NEBL: variants seen among roughly 807,000 people sequenced by gnomAD.
NEBL encodes LIM and SH3 protein 2.
In NEBL, 122 loss-of-function variants were observed where a neutral mutation model predicts 140.2. The observed-to-expected ratio is 0.87, with a 90% CI of 0.75 to 1.01. The LOEUF (loss-of-function observed/expected upper bound fraction) is 1.01. Ranked by LOEUF, NEBL falls within the 50% of genes least tolerant of loss-of-function variation. The pLI, the probability that NEBL is intolerant of heterozygous loss-of-function variation, is 0.00. For missense variants in NEBL, 1,365 were observed against 1,231.3 expected, an observed-to-expected ratio of 1.11 and a Z score of -1.62; for synonymous variants, 436 against 398.9, an observed-to-expected ratio of 1.09 and a Z score of -1.11.
chr10:20,854,942 T>C (rs1022786543), intron 9 of NEBL, among the ~76,000 whole-genome samples: 1 of 152,068 alleles, frequency 6.6e-6, no homozygotes, highest in African/African-American at 2.4e-5. Flanking sequence ...AGCCTTTTTT[T>C]GGCTAGGCGC....
At chr10:20,950,691 C>G (rs1043066782) in intron 4 of NEBL, among the ~76,000 whole-genome samples, 1 of 152,234 alleles carries the variant, frequency 6.6e-6, no homozygotes, top group Admixed American at 6.5e-5. Context: ...ACAGTCAAAG[C>G]CCCAGATTCT....
Position 21,112,003 on chromosome 10 carries a change from T to C in NEBL, c.164+60380A>G, listed in dbSNP as rs535568547. On this transcript the variant is annotated intron_variant, in intron 2 of 6. Transcript: ENST00000417816. ...CACATGAAAAAATGCTCATCATCAC[T>C]GGTGATCAGAGAAATGCAAATCAAA... Among the ~76,000 whole-genome samples, 19 of 152,328 alleles carry C rather than the reference T, an allele frequency of 1.2e-4. No homozygotes were observed. The East Asian group carries it at 3.7e-3, about 29-fold the overall frequency.
intron 3 of NEBL, among the ~76,000 whole-genome samples, chr10:20,965,349 C>T (rs1836257459): frequency 6.6e-6 from 1 of 152,160 alleles, no homozygotes; most frequent in South Asian, 2.1e-4. Flanking sequence ...GGCAGTCTGC[C>T]CTTCTAGACA....
chr10:20,950,732 C>T (rs149360821), intron 4 of NEBL, among the ~76,000 whole-genome samples: 6 of 152,300 alleles, frequency 3.9e-5, no homozygotes, highest in African/African-American at 1.4e-4. Flanking sequence ...AGAAATGCCA[C>T]TTATCATCAA....
intron 3 of NEBL, among the ~76,000 whole-genome samples, chr10:21,199,965 A>G (rs1334348873): frequency 6.6e-6 from 1 of 152,324 alleles, no homozygotes; most frequent in Admixed American, 6.5e-5. Flanking sequence ...CTGCACTGAG[A>G]TAGCCCTCAT....
intron 3 of NEBL, among the ~76,000 whole-genome samples, chr10:20,985,478 A>G (rs1201178554): frequency 6.6e-6 from 1 of 152,222 alleles, no homozygotes; most frequent in Non-Finnish European, 1.5e-5. Flanking sequence ...AGTCTCTAAC[A>G]TTCTAATAAG....
At chr10:21,045,690 A>C (rs1834479026) in intron 2 of NEBL, among the ~76,000 whole-genome samples, 1 of 152,212 alleles carries the variant, frequency 6.6e-6, no homozygotes, top group Non-Finnish European at 1.5e-5. Flanking sequence ...ACTTGTTAGG[A>C]TGGATGTTAT....
intron 3 of NEBL, among the ~76,000 whole-genome samples, chr10:21,201,675 A>T (rs892121101): frequency 2.0e-5 from 3 of 152,236 alleles, no homozygotes; most frequent in Non-Finnish European, 4.4e-5. Context: ...CTATTAATTA[A>T]CTGACACACC....
At chr10:21,028,598 T>C (rs1239328780) in intron 2 of NEBL, among the ~76,000 whole-genome samples, 1 of 152,204 alleles carries the variant, frequency 6.6e-6, no homozygotes, top group African/African-American at 2.4e-5. Context: ...CTAAGATCTT[T>C]CTATCCTTCA....
rs184737590 is a variant in NEBL, at chr10:21,194,797, C to G, written n.349-22320G>C. ...TTCAAGTTTTCAATCATTTGCTACC[C>G]CTCGCCCCGCCGCCCTGACCCCCAC... On this transcript the variant is annotated intron_variant and non_coding_transcript_variant, in intron 3 of 8. Transcript: ENST00000675702. Among the ~76,000 whole-genome samples, 19 of 152,126 alleles carry G rather than the reference C, an allele frequency of 1.2e-4. No homozygotes were observed. The East Asian group carries it at 3.5e-3, about 28-fold the overall frequency.
At chr10:20,838,302 G>C (rs1278593201) in intron 13 of NEBL, among the ~76,000 whole-genome samples, 1 of 152,196 alleles carries the variant, frequency 6.6e-6, no homozygotes, top group Non-Finnish European at 1.5e-5. Context: ...AACTCTCATG[G>C]ATGACTTTGA....
chr10:21,025,431 A>G (rs1838984717), intron 2 of NEBL, among the ~76,000 whole-genome samples: 1 of 152,240 alleles, frequency 6.6e-6, no homozygotes, highest in Non-Finnish European at 1.5e-5. Flanking sequence ...AGATAATAAT[A>G]GAAGACTGCA....
At chr10:21,077,252 G>T (rs970250355) in intron 2 of NEBL, among the ~76,000 whole-genome samples, 10 of 152,102 alleles carry the variant, frequency 6.6e-5, no homozygotes, top group Non-Finnish European at 1.5e-5. Context: ...AGGAATTGGG[G>T]GAAGAAAAGC....
intron 2 of NEBL, among the ~76,000 whole-genome samples, chr10:21,068,303 C>G (rs1443539335): frequency 6.6e-6 from 1 of 152,170 alleles, no homozygotes; most frequent in African/African-American, 2.4e-5. Context: ...GCAGCCATAT[C>G]CTTCCTTCTG....
rs1838862858 is a variant in NEBL at position 20,817,664 on chromosome 10, C to T, written c.2084G>A (p.Gly695Glu). The T allele has an allele frequency of 6.2e-7, 1 of 1,613,740 alleles. No homozygotes were observed. Among genetic ancestry groups the T allele is most frequent in the Non-Finnish European group, 8.5e-7 (1 of 1,179,712 alleles). Residue 695 changes from glycine (G) to glutamate (E), a missense_variant, in exon 21 of 28, where the codon GGA becomes GAA. Gly to Glu is a moderately conservative substitution (Grantham distance 98). This residue lies in a region of NEBL where 1,323 missense variants were observed against 1,154.8 expected (regional missense o/e 1.15). Coordinates refer to ENST00000377122, the MANE Select transcript of NEBL (RefSeq NM_006393.3). ...CTCTGGTGGATCAGAAATTGCAGTT[C>T]CCCGTTGAAGTTCTCCCTTATATTT... is the stretch of plus-strand genomic sequence containing the variant. ...AVKYKGELQR[G>E]TAISDPPELK...
At chr10:21,197,389 A>G (rs1457340969) in intron 3 of NEBL, among the ~76,000 whole-genome samples, 2 of 152,360 alleles carry the variant, frequency 1.3e-5, no homozygotes, top group South Asian at 4.1e-4. Context: ...AGTTGCATTA[A>G]TTCCCAAATT....
chr10:21,134,918 G>A (rs750233582), intron 2 of NEBL, among the ~76,000 whole-genome samples: 9 of 152,100 alleles, frequency 5.9e-5, no homozygotes, highest in South Asian at 2.1e-4. Flanking sequence ...CTCAAAATCC[G>A]TTTGTGGTCT....
At chr10:21,236,395 T>C (rs2132259581) in intron 3 of NEBL, among the ~76,000 whole-genome samples, 1 of 149,782 alleles carries the variant, frequency 6.7e-6, no homozygotes, top group East Asian at 2.0e-4. Context: ...TTGCCCAGGC[T>C]GGAGTGCAGT....
intron 5 of NEBL, among the ~76,000 whole-genome samples, chr10:20,879,312 T>C (rs1300259712): frequency 2.0e-5 from 3 of 152,194 alleles, no homozygotes; most frequent in Non-Finnish European, 2.9e-5. Flanking sequence ...AGTCCTGGCA[T>C]AGTTCCTGGT....
Sources: allele counts gnomAD v4.1 joint callset (sites outside exome capture counted in the v4.1 genomes callset), GRCh38; gene constraint gnomAD v4.1.1; regional missense constraint gnomAD v4.1.1; transcripts MANE v1.5; gene names NCBI Gene and HGNC (gene_info 2026-07-23, HGNC 2026-07-21).